Variants in CCDC73 observed in about 807,000 individuals in gnomAD.
CCDC73 encodes the protein coiled-coil domain containing 73, also known as coiled-coil domain-containing protein 73.
In CCDC73, 95 loss-of-function variants were observed where a neutral mutation model predicts 116.5. That is an observed-to-expected ratio of 0.82 (90% CI 0.69 to 0.97). The LOEUF is 0.97. Ranked by LOEUF, CCDC73 falls within the 50% of genes least tolerant of loss-of-function variation. CCDC73 has a pLI of 0.00. For synonymous variants in CCDC73, 398 were observed against 401.3 expected, an observed-to-expected ratio of 0.99 and a Z score of 0.10; for missense variants, 1,066 against 1,206.8, an observed-to-expected ratio of 0.88 and a Z score of 1.73.
intron 2 of CCDC73, among the ~76,000 whole-genome samples, chr11:32,752,114 T>C (rs1223568581): frequency 1.3e-5 from 2 of 152,182 alleles, no homozygotes; most frequent in Non-Finnish European, 2.9e-5. Context: ...TCCAAGAGGA[T>C]CTGTTCTAAG....
At chr11:32,746,324 G>A in intron 2 of CCDC73, among the ~76,000 whole-genome samples, 1 of 152,168 alleles carries the variant, frequency 6.6e-6, no homozygotes, top group Non-Finnish European at 1.5e-5. Context: ...TCCCTTTGTG[G>A]GTAACCCAAC....
At chr11:32,647,896 T>G (rs940726397) in intron 12 of CCDC73, among the ~76,000 whole-genome samples, 3 of 151,848 alleles carry the variant, frequency 2.0e-5, no homozygotes, top group Non-Finnish European at 2.9e-5. Flanking sequence ...CACATCATAG[T>G]TAATTTCAAA....
intron 17 of CCDC73, among the ~76,000 whole-genome samples, chr11:32,609,413 T>C (rs1489056136): frequency 6.6e-6 from 1 of 152,196 alleles, no homozygotes; most frequent in Admixed American, 6.5e-5. Flanking sequence ...TTTGCTCCAT[T>C]TCTCAACAAA....
intron 17 of CCDC73, among the ~76,000 whole-genome samples, chr11:32,606,677 C>T (rs1468609115): frequency 1.3e-5 from 2 of 152,056 alleles, no homozygotes; most frequent in Non-Finnish European, 2.9e-5. Flanking sequence ...GCCACAATAT[C>T]TAGCCTAGGT....
intron 6 of CCDC73, among the ~76,000 whole-genome samples, chr11:32,686,979 T>C (rs999970998): frequency 1.3e-5 from 2 of 152,238 alleles, no homozygotes; most frequent in Non-Finnish European, 2.9e-5. Context: ...TGCAAATGTT[T>C]TCCTATTATA....
intron 14 of CCDC73, among the ~76,000 whole-genome samples, chr11:32,625,223 C>T (rs1302083958): frequency 1.3e-5 from 2 of 152,142 alleles, no homozygotes; most frequent in Admixed American, 6.5e-5. Flanking sequence ...TGGATCTTGA[C>T]TCTTTATCCA....
At chr11:32,734,954 T>C (rs964787273) in intron 2 of CCDC73, among the ~76,000 whole-genome samples, 2 of 152,134 alleles carry the variant, frequency 1.3e-5, no homozygotes, top group African/African-American at 4.8e-5. Context: ...AAAAGGCCTT[T>C]GACAAAATTC....
intron 1 of CCDC73, among the ~76,000 whole-genome samples, chr11:32,785,095 G>C (rs944113303): frequency 5.3e-5 from 8 of 152,096 alleles, no homozygotes; most frequent in Admixed American, 1.3e-4. Flanking sequence ...GAACCCGGGA[G>C]GTAGAGGTTG....
the CCDC73 span, among the ~76,000 whole-genome samples, chr11:32,828,757 C>T: frequency 1.3e-5 from 2 of 152,160 alleles, no homozygotes; most frequent in Admixed American, 1.3e-4. Flanking sequence ...ATCAAGGACC[C>T]CAAAGAGCTT....
intron 9 of CCDC73, 98 bp from the exon 10 acceptor site, chr11:32,655,070 A>T: frequency 9.0e-7 from 1 of 1,114,570 alleles, no homozygotes; most frequent in Non-Finnish European, 1.3e-6. Context: ...TAAGCCTATA[A>T]TTATAATTTG....
intron 1 of CCDC73, among the ~76,000 whole-genome samples, chr11:32,788,763 G>A (rs1850648503): frequency 6.6e-6 from 1 of 152,114 alleles, no homozygotes; most frequent in Non-Finnish European, 1.5e-5. Context: ...ACTGTGCTTG[G>A]CCGAGTTAAT....
At chr11:32,765,118 T>C (rs1041608500) in intron 1 of CCDC73, among the ~76,000 whole-genome samples, 8 of 152,122 alleles carry the variant, frequency 5.3e-5, no homozygotes, top group South Asian at 4.1e-4. Flanking sequence ...ATAAAGCAAG[T>C]CCTTAGAGTC....
At chr11:32,618,552 T>A in intron 14 of CCDC73, among the ~76,000 whole-genome samples, 1 of 152,114 alleles carries the variant, frequency 6.6e-6, no homozygotes, top group Non-Finnish European at 1.5e-5. Flanking sequence ...CCTTATTTTT[T>A]ATTTATTATT....
Position 32,614,328 on chromosome 11 carries a change from G to A in CCDC73, c.1990C>T (p.Gln664Ter), listed in dbSNP as rs756138931. ...CTTTTTTTAGTTAACAGTTGTATTTGTTTTATTTTACATTGTTTATCATCT... is the reference window on the plus strand; with the variant it reads ...CTTTTTTTAGTTAACAGTTGTATTTATTTTATTTTACATTGTTTATCATCT... Reference protein sequence around the residue: ...MLDDKQCKIKQIQLLTKKSEC... With the variant: ...MLDDKQCKIK Residue 664 changes from glutamine (Q) to a stop codon, truncating the protein, a stop_gained, in exon 16 of 18, where the codon CAA becomes TAA. Transcript: ENST00000335185. LOFTEE classifies it high-confidence loss of function. 17 of 1,611,280 alleles carry A rather than the reference G, an allele frequency of 1.1e-5. No individual in the cohort carries two copies. In the Admixed American group the frequency reaches 2.5e-4, roughly 24 times the overall value.
At chr11:32,667,022 T>G (rs1002862138) in intron 9 of CCDC73, among the ~76,000 whole-genome samples, 5 of 152,186 alleles carry the variant, frequency 3.3e-5, no homozygotes, top group African/African-American at 1.2e-4. Flanking sequence ...CTCTGGAAGC[T>G]TCGTCTCAGA....
chr11:32,732,366 T>C (rs1157908858), intron 2 of CCDC73, among the ~76,000 whole-genome samples: 3 of 152,138 alleles, frequency 2.0e-5, no homozygotes, highest in Admixed American at 1.3e-4. Flanking sequence ...CCAGGAGAAC[T>C]TCCCCAACCT....
intron 12 of CCDC73, among the ~76,000 whole-genome samples, chr11:32,652,501 A>G (rs1302475457): frequency 6.6e-6 from 1 of 152,164 alleles, no homozygotes; most frequent in Non-Finnish European, 1.5e-5. Flanking sequence ...CTCAATCCCT[A>G]CAAGAGATTT....
chr11:32,632,944 T>G (rs1029605649), intron 14 of CCDC73, among the ~76,000 whole-genome samples: 3 of 152,058 alleles, frequency 2.0e-5, no homozygotes, highest in Non-Finnish European at 4.4e-5. Flanking sequence ...AAAACCAAAT[T>G]AAACCCAAAG....
At chr11:32,674,333 TGGAA>T (rs1308204510) in intron 9 of CCDC73, among the ~76,000 whole-genome samples, 1 of 152,130 alleles carries the variant, frequency 6.6e-6, no homozygotes, top group East Asian at 1.9e-4. Context: ...AGAGAGGGAT[TGGAA>T]GGGAGTGGGA....
Sources: allele counts gnomAD v4.1 joint callset (sites outside exome capture counted in the v4.1 genomes callset), GRCh38; gene constraint gnomAD v4.1.1; transcripts MANE v1.5; gene names NCBI Gene and HGNC (gene_info 2026-07-23, HGNC 2026-07-21).